GPN1: variants seen among roughly 807,000 people sequenced by gnomAD.
GPN1 encodes ATP(GTP)-binding protein.
Under a neutral mutation model 55.9 loss-of-function variants are expected in GPN1, and 44 were observed. The observed-to-expected ratio is 0.79, with a 90% CI of 0.62 to 1.01. The LOEUF (loss-of-function observed/expected upper bound fraction) is 1.01, where lower values mean the gene tolerates loss of function less well. Ranked by LOEUF, GPN1 falls within the 50% of genes least tolerant of loss-of-function variation. The pLI is 0.00. For missense variants in GPN1, 466 were observed against 462.8 expected, an observed-to-expected ratio of 1.01 and a Z score of -0.06; for synonymous variants, 179 against 162.5, an observed-to-expected ratio of 1.10 and a Z score of -0.77.
At chr2:27,648,903 C>T (rs1183879363) in intron 13 of GPN1, among the ~76,000 whole-genome samples, 9 of 151,336 alleles carry the variant, frequency 5.9e-5, no homozygotes, top group African/African-American at 2.2e-4. Context: ...TCCCAAAGTG[C>T]TGGGATTACA....
At chr2:27,642,822 C>A (rs991083018) in intron 12 of GPN1, among the ~76,000 whole-genome samples, 11 of 152,000 alleles carry the variant, frequency 7.2e-5, no homozygotes, top group Admixed American at 5.2e-4. Context: ...ACCTGGGCCT[C>A]CCAAAATGCT....
upstream of GPN1, chr2:27,628,288 G>A (rs1263719735): frequency 1.1e-5 from 12 of 1,094,288 alleles, no homozygotes; most frequent in Non-Finnish European, 1.4e-5. Flanking sequence ...AGACTGGGTG[G>A]TCAGGAGTAG....
chr2:27,635,265 A>G (rs934194328), intron 7 of GPN1, 31 bp downstream of exon 7: 1 of 1,080,974 alleles, frequency 9.3e-7, no homozygotes, highest in African/African-American at 1.6e-5. Context: ...AAAGTGTTCC[A>G]TCAAGGTATA....
intron 1 of GPN1, 81 bp downstream of exon 1, chr2:27,629,250 A>AGGTCTG: frequency 1.3e-6 from 2 of 1,540,504 alleles, no homozygotes; most frequent in Non-Finnish European, 1.8e-6. Flanking sequence ...AAAGGGAGGG[A>AGGTCTG]AGAGGATTTG....
rs1673682445 is a variant in GPN1, at chr2:27,635,139, G to C, written c.430-1G>C. On this transcript the variant is annotated splice_acceptor_variant, in intron 6 of 13. Transcript: ENST00000610189. LOFTEE classifies it high-confidence loss of function. ...AGGCTTTGATTTTTTTGTGGCTTTA[G>C]GCATCCTCATTTCCAACAGTTGTCA... The C allele has an allele frequency of 6.4e-7, 1 of 1,562,224 alleles. No individual in the cohort carries two copies. Among genetic ancestry groups the C allele is most frequent in the African/African-American group, 1.4e-5 (1 of 73,586 alleles).
intron 7 of GPN1, among the ~76,000 whole-genome samples, chr2:27,636,317 C>T (rs1033067378): frequency 1.3e-5 from 2 of 152,144 alleles, no homozygotes; most frequent in African/African-American, 4.8e-5. Flanking sequence ...GCAAGGCTGA[C>T]AGTTATTAAA....
chr2:27,642,416 T>C lies in GPN1; in HGVS notation c.841-13T>C. ...CTTTTTGAATATGATGACATTTTTC[T>C]CTGTATATACAGGCCAACGCAGAGA... is the stretch of plus-strand genomic sequence containing the variant. On this transcript the variant is annotated splice_polypyrimidine_tract_variant and intron_variant, in intron 11 of 13. Transcript: ENST00000610189. 6.4e-7 allele frequency: 1 copy of C among 1,565,208 alleles called. No homozygotes were observed. The highest frequency in any genetic ancestry group is 1.1e-5 in the South Asian group (1 of 89,664).
rs79898842 is a variant in GPN1, at chr2:27,631,109, T to G, written c.245+43T>G. 3,071 of 1,022,616 alleles carry G rather than the reference T, an allele frequency of 3.0e-3. 59 individuals are homozygous for G. In the African/African-American group the frequency reaches 0.042, roughly 14 times the overall value. 63.3% of individuals were successfully genotyped at this position (1,022,616 alleles called of 1,614,324 possible). A position where few individuals can be genotyped will look rare whatever the true frequency, so the allele number is the denominator to read the frequency against. Reference sequence around the variant, plus strand: ...CTTTGGTCTTGACTCATTCCTGGCTTCTTGTCTGTGTATTTTGTGGCTTGA... The same window carrying G: ...CTTTGGTCTTGACTCATTCCTGGCTGCTTGTCTGTGTATTTTGTGGCTTGA... On this transcript the variant is annotated intron_variant, in intron 3 of 13. Transcript: ENST00000610189.
At position 27,642,440 on chromosome 2, in the gene GPN1, G is replaced by C; in HGVS notation, c.852G>C (p.Glu284Asp). ...ERLKKSLANA[E>D]SQQQREQLER... The stretch of plus-strand genomic sequence containing the variant: ...CTCTGTATATACAGGCCAACGCAGA[G>C]AGCCAACAGCAGAGAGAACAACTGG... Residue 284 changes from glutamate (E) to aspartate (D), a missense_variant, in exon 12 of 14, where the codon GAG becomes GAC. Glu to Asp is a conservative substitution (Grantham distance 45, BLOSUM62 2). Transcript: ENST00000610189. The C allele has an allele frequency of 6.2e-7, 1 of 1,611,812 alleles. No homozygotes were observed. The highest frequency in any genetic ancestry group is 1.1e-5 in the South Asian group (1 of 91,022).
chr2:27,647,677 A>G (rs1248942112), intron 12 of GPN1, among the ~76,000 whole-genome samples, 159 bp from the exon 13 acceptor site: 1 of 152,256 alleles, frequency 6.6e-6, no homozygotes, highest in Non-Finnish European at 1.5e-5. Context: ...CTATTATAGA[A>G]ATGTTAAGTG....
chr2:27,632,739 T>C, intron 5 of GPN1, 69 bp downstream of exon 5: 1 of 1,004,582 alleles, frequency 1.0e-6, no homozygotes, highest in Non-Finnish European at 1.6e-6. Context: ...ATGGAGGATC[T>C]GGGATACCAT....
intron 12 of GPN1, among the ~76,000 whole-genome samples, chr2:27,646,501 AT>A (rs925460407): frequency 6.6e-6 from 1 of 151,846 alleles, no homozygotes; most frequent in African/African-American, 2.4e-5. Context: ...TGAATTAAAA[AT>A]TTTTTTTTAG....
chr2:27,646,803 C>G (rs1344258678), intron 12 of GPN1, among the ~76,000 whole-genome samples: 21 of 151,866 alleles, frequency 1.4e-4, no homozygotes. Context: ...AGTTATTGCT[C>G]TATATCTAGT....
At chr2:27,646,501 A>AT (rs925460407) in intron 12 of GPN1, among the ~76,000 whole-genome samples, 2 of 151,846 alleles carry the variant, frequency 1.3e-5, no homozygotes, top group South Asian at 2.1e-4. Context: ...TGAATTAAAA[A>AT]TTTTTTTTTA....
At position 27,638,917 on chromosome 2, in the gene GPN1, A is replaced by T. The variant is rs773333862; in HGVS notation, c.603A>T (p.Glu201Asp). ...TCATTGACCACAGCTTTGCAGTGGA[A>T]TGGATGCAGGATTTTGAGGCTTTCC... ...TDIIDHSFAV[E>D]WMQDFEAFQD... Residue 201 changes from glutamate (E) to aspartate (D), a missense_variant, in exon 9 of 14, where the codon GAA (glutamate) becomes GAT (aspartate). Transcript: ENST00000610189. The T allele has an allele frequency of 3.7e-6, 6 of 1,613,688 alleles. No homozygotes were observed. The highest frequency in any genetic ancestry group is 5.1e-6 in the Non-Finnish European group (6 of 1,179,702).
At chr2:27,631,793 T>C in intron 3 of GPN1, 41 bp from the exon 4 acceptor site, 1 of 1,166,662 alleles carries the variant, frequency 8.6e-7, no homozygotes, top group Non-Finnish European at 1.3e-6. Context: ...AACTTTATAA[T>C]CTAATCTATA....
At chr2:27,628,267 G>A (rs1163930793), upstream of GPN1, 1 of 922,030 alleles carries the variant, frequency 1.1e-6, no homozygotes, top group East Asian at 2.6e-5. Flanking sequence ...GCTACAAAGG[G>A]TCACAGAAAC....
chr2:27,641,406 G>A (rs144955541), intron 11 of GPN1, 127 bp downstream of exon 11: 1 of 601,976 alleles, frequency 1.7e-6, no homozygotes, highest in African/African-American at 1.9e-5. Flanking sequence ...AGTTTTTTTT[G>A]TAGCTTTATT....
At chr2:27,642,390 C>T (rs924423319) in intron 11 of GPN1, 39 bp from the exon 12 acceptor site, 5 of 1,264,092 alleles carry the variant, frequency 4.0e-6, no homozygotes, top group Non-Finnish European at 5.8e-6. Context: ...ATTTGGGACT[C>T]CTTTTTGAAT....
Sources: allele counts gnomAD v4.1 joint callset (sites outside exome capture counted in the v4.1 genomes callset), GRCh38; gene constraint gnomAD v4.1.1; transcripts MANE v1.5; gene names NCBI Gene and HGNC (gene_info 2026-07-23, HGNC 2026-07-21).